SPATA9: variants seen among roughly 807,000 people sequenced by gnomAD.
The protein encoded by SPATA9 is spermatogenesis-associated protein 9.
In SPATA9, 27 loss-of-function variants were observed where a neutral mutation model predicts 25.5. That is an observed-to-expected ratio of 1.06 (90% CI 0.78 to 1.46). The LOEUF (loss-of-function observed/expected upper bound fraction) is 1.46, where lower values mean the gene tolerates loss of function less well. Among genes scored for constraint, SPATA9 ranks in the 40% most tolerant of loss-of-function variants. SPATA9 has a pLI of 0.00. For synonymous variants in SPATA9, 102 were observed against 105.7 expected (o/e 0.97, Z 0.21); for missense variants, 282 against 297.5 (o/e 0.95, Z 0.38).
chr5:95,700,589 C>T (rs562060151), upstream of SPATA9, among the ~76,000 whole-genome samples: 18 of 148,940 alleles, frequency 1.2e-4, no homozygotes, highest in Admixed American at 3.4e-4. Context: ...TGAGCCACCG[C>T]GCCTGGCCAA....
intron 1 of SPATA9, among the ~76,000 whole-genome samples, chr5:95,688,763 G>C (rs932204186): frequency 5.3e-5 from 8 of 151,930 alleles, no homozygotes; most frequent in Admixed American, 4.6e-4. Context: ...TACCTAATGG[G>C]TACAATGTAC....
At chr5:95,691,338 CTG>C (rs1753885885) in intron 1 of SPATA9, among the ~76,000 whole-genome samples, 2 of 151,988 alleles carry the variant, frequency 1.3e-5, no homozygotes, top group African/African-American at 2.4e-5. Context: ...ATTAAATAAA[CTG>C]TTGTTTTCTC....
At chr5:95,668,240 A>G (rs1752013906) in intron 3 of SPATA9, among the ~76,000 whole-genome samples, 1 of 152,244 alleles carries the variant, frequency 6.6e-6, no homozygotes, top group South Asian at 2.1e-4. Flanking sequence ...ATTAGTTTCA[A>G]AATAAATTAT....
At chr5:95,701,936 G>A (rs925694368), upstream of SPATA9, among the ~76,000 whole-genome samples, 10 of 151,992 alleles carry the variant, frequency 6.6e-5, no homozygotes, top group South Asian at 4.1e-4. Flanking sequence ...CAACAATAGC[G>A]GATTACATAA....
the SPATA9 span, among the ~76,000 whole-genome samples, chr5:95,706,480 C>T: frequency 3.3e-5 from 5 of 151,758 alleles, no homozygotes; most frequent in African/African-American, 9.7e-5. Context: ...TTTCCTGAGG[C>T]CTCCCCAGAA....
chr5:95,675,819 CTTT>C lies in SPATA9; in HGVS notation c.151-183_151-181del, dbSNP rs33943918. Among the ~76,000 whole-genome samples, 395 of 108,016 alleles carry C rather than the reference CTTT, an allele frequency of 3.7e-3. 1 individual carries two copies. The highest frequency in any genetic ancestry group is 0.014 in the African/African-American group (377 of 27,428). The allele number at this position is 108,016 out of a possible 152,430, so 70.9% of individuals were successfully genotyped here. On this transcript the variant is annotated intron_variant, in intron 2 of 4. Transcript: ENST00000274432. ...TGAATTCCCTGCCATGTACTTAAAC[CTTT>C]TTTTTTTTTTTTTTTTTTTATGGAA... is the stretch of plus-strand genomic sequence containing the variant.
chr5:95,678,158 C>T (rs1753117548), intron 2 of SPATA9, among the ~76,000 whole-genome samples: 2 of 152,188 alleles, frequency 1.3e-5, no homozygotes, highest in Admixed American at 1.3e-4. Flanking sequence ...GGGCAGATCA[C>T]TTGGGGTCAG....
the SPATA9 span, chr5:95,731,501 C>G: frequency 1.6e-6 from 2 of 1,247,122 alleles, no homozygotes; most frequent in Non-Finnish European, 2.0e-6. Flanking sequence ...TGGTCCCCGG[C>G]TCGCTCGCTG....
At chr5:95,670,539 T>C (rs957678563) in intron 3 of SPATA9, 4 of 152,352 alleles carry the variant, frequency 2.6e-5, no homozygotes, top group South Asian at 2.1e-4. Context: ...TTCTTACAGC[T>C]AAGTTTTCCT....
downstream of SPATA9, chr5:95,655,950 TG>T (rs1313975824): frequency 8.7e-7 from 1 of 1,155,992 alleles, no homozygotes; most frequent in Non-Finnish European, 1.2e-6. Flanking sequence ...AAAGCTAACC[TG>T]TTTTTTTAAC....
the SPATA9 span, among the ~76,000 whole-genome samples, chr5:95,725,075 A>G: frequency 1.3e-5 from 2 of 152,264 alleles, no homozygotes; most frequent in Admixed American, 6.5e-5. Context: ...CACACCCACA[A>G]ATATACTACA....
the SPATA9 span, among the ~76,000 whole-genome samples, chr5:95,705,282 T>C: frequency 1.3e-5 from 2 of 152,152 alleles, no homozygotes; most frequent in Non-Finnish European, 2.9e-5. Context: ...GGAGTACTTA[T>C]GACTTAATCA....
At chr5:95,677,123 T>C (rs2548123) in intron 2 of SPATA9, among the ~76,000 whole-genome samples, 50,552 of 152,102 alleles carry the variant, frequency 0.33, 9,238 homozygotes, top group Non-Finnish European at 0.41. Flanking sequence ...GCTCTCTATC[T>C]CTGCACCTCG....
the SPATA9 span, among the ~76,000 whole-genome samples, chr5:95,711,618 T>C: frequency 3.9e-5 from 6 of 152,152 alleles, no homozygotes; most frequent in East Asian, 1.9e-4. Context: ...CAAGGAGATA[T>C]GGGACGACCC....
the SPATA9 span, among the ~76,000 whole-genome samples, chr5:95,715,162 G>A: frequency 5.5e-4 from 83 of 151,682 alleles, no homozygotes; most frequent in Admixed American, 2.0e-3. Flanking sequence ...CATCTCTACT[G>A]AAAATACAAA....
upstream of SPATA9, among the ~76,000 whole-genome samples, chr5:95,700,947 G>A (rs970507574): frequency 1.3e-5 from 2 of 152,026 alleles, no homozygotes; most frequent in African/African-American, 2.4e-5. Context: ...CTTAGATGAG[G>A]TGAAGAATCC....
upstream of SPATA9, chr5:95,698,766 C>T (rs1407654184): frequency 3.9e-5 from 6 of 152,130 alleles, no homozygotes; most frequent in African/African-American, 1.4e-4. Context: ...ATGAGATTAA[C>T]ATTTGGTTTA....
chr5:95,662,020 G>C (rs1257751243), intron 4 of SPATA9, among the ~76,000 whole-genome samples: 1 of 152,096 alleles, frequency 6.6e-6, no homozygotes, highest in Non-Finnish European at 1.5e-5. Context: ...TATTCTCCCA[G>C]TTATTAAGAT....
chr5:95,666,481 A>G (rs182465337), intron 3 of SPATA9, among the ~76,000 whole-genome samples: 2 of 152,382 alleles, frequency 1.3e-5, no homozygotes, highest in Admixed American at 1.3e-4. Flanking sequence ...TGTAAAAATA[A>G]GAAAATGCTT....
Sources: gnomAD v4.1 joint callset for allele counts (sites outside exome capture counted in the v4.1 genomes callset) on GRCh38, gnomAD v4.1.1 for gene constraint, MANE v1.5 for transcripts, NCBI Gene and HGNC (gene_info 2026-07-23, HGNC 2026-07-21) for gene names.